Variants in PAPOLG observed in about 807,000 individuals in gnomAD.
PAPOLG encodes the protein PAP-gamma.
Under a neutral mutation model 99.0 loss-of-function variants are expected in PAPOLG, and 40 were observed. The observed-to-expected ratio is 0.40, with a 90% CI of 0.31 to 0.53. The LOEUF (loss-of-function observed/expected upper bound fraction) is 0.53, where lower values mean the gene tolerates loss of function less well. Among genes scored for constraint, PAPOLG ranks in the 20% least tolerant of loss-of-function variants. The pLI is 0.41. For synonymous variants in PAPOLG, 310 were observed against 299.3 expected (o/e 1.04, Z -0.37); for missense variants, 675 against 884.1 (o/e 0.76, Z 3.00).
At chr2:60,779,540 G>A in intron 8 of PAPOLG, 97 bp from the exon 9 acceptor site, 1 of 1,322,830 alleles carries the variant, frequency 7.6e-7, no homozygotes, top group Non-Finnish European at 1.0e-6. Flanking sequence ...CTTGTTGAAT[G>A]TCACGGATAT....
intron 16 of PAPOLG, 24 bp downstream of exon 16, chr2:60,791,906 C>T: frequency 6.2e-7 from 1 of 1,606,044 alleles, no homozygotes; most frequent in South Asian, 1.1e-5. Context: ...CTTAACCCTT[C>T]AGTATGGTTT....
In PAPOLG at chr2:60,796,059, C is replaced by T. The variant is rs528335839; in HGVS notation, c.2113-1003C>T. Among the ~76,000 whole-genome samples, 16 of 152,100 alleles carry T rather than the reference C, an allele frequency of 1.1e-4. No homozygotes were observed. The East Asian group carries it at 3.1e-3, about 29-fold the overall frequency. On this transcript the variant is annotated intron_variant, in intron 21 of 21. Coordinates refer to ENST00000238714, the MANE Select transcript of PAPOLG (RefSeq NM_022894.4). ...GTCCTTATTGCCCTGGTGTCTACTTCTTTGTATATCTGAAATTGCTCATAA... is the reference window on the plus strand; with the variant it reads ...GTCCTTATTGCCCTGGTGTCTACTTTTTTGTATATCTGAAATTGCTCATAA...
At chr2:60,762,691 A>G (rs1440122123) in intron 3 of PAPOLG, among the ~76,000 whole-genome samples, 4 of 151,746 alleles carry the variant, frequency 2.6e-5, no homozygotes, top group East Asian at 1.9e-4. Flanking sequence ...CAGTGGTGCA[A>G]TCTTGGCTCA....
rs371753967 is a variant in PAPOLG, at chr2:60,791,791, T to C, written c.1427T>C (p.Leu476Pro). The change falls in exon 16 of 22, where the codon CTA (leucine) becomes CCA (proline). Residue 476 changes from leucine (L) to proline (P), a missense_variant. Around this residue, in one of 3 missense-constraint regions of PAPOLG, gnomAD observed 413 missense variants for 460.5 expected, o/e 0.90. Transcript: ENST00000238714. ...AGACAGGCAAACAATATAAATATGC[T>C]AAAGGAGGGAATGAAAATTGAAGCA... Reference protein sequence around the residue: ...VYRQANNINMLKEGMKIEATH... With the variant: ...VYRQANNINMPKEGMKIEATH... 6 of 1,613,272 alleles carry C rather than the reference T, an allele frequency of 3.7e-6. No homozygotes were observed. Among genetic ancestry groups the C allele is most frequent in the Non-Finnish European group, 5.1e-6 (6 of 1,179,716 alleles).
chr2:60,791,166 T>G (rs771640748), intron 15 of PAPOLG, among the ~76,000 whole-genome samples: 8 of 151,850 alleles, frequency 5.3e-5, no homozygotes, highest in Non-Finnish European at 4.4e-5. Context: ...TATCAGAAAA[T>G]AAGATCTGGA....
At chr2:60,763,539 T>C (rs1670583808) in intron 3 of PAPOLG, among the ~76,000 whole-genome samples, 2 of 152,246 alleles carry the variant, frequency 1.3e-5, no homozygotes, top group South Asian at 4.1e-4. Context: ...AATCTTGCTC[T>C]GTCACCCAGG....
At chr2:60,774,973 G>A (rs367872928) in intron 7 of PAPOLG, 61 bp from the exon 8 acceptor site, 13 of 1,603,290 alleles carry the variant, frequency 8.1e-6, no homozygotes, top group East Asian at 4.5e-5. Flanking sequence ...AAGTTAGGAG[G>A]GCATTTGAAT....
intron 13 of PAPOLG, among the ~76,000 whole-genome samples, chr2:60,786,025 C>T (rs1468739227): frequency 6.6e-6 from 1 of 152,052 alleles, no homozygotes; most frequent in Non-Finnish European, 1.5e-5. Context: ...AATCTACTAA[C>T]TTGTCATTTA....
chr2:60,781,306 G>C (rs113474670), intron 10 of PAPOLG, among the ~76,000 whole-genome samples: 8 of 151,888 alleles, frequency 5.3e-5, no homozygotes, highest in African/African-American at 1.9e-4. Flanking sequence ...GCAGTGAGCC[G>C]AGACTGTGCC....
Position 60,760,246 on chromosome 2 carries a change from G to T in PAPOLG, c.130G>T (p.Ala44Ser). ...DHIYTQKLID[A>S]MKPFGVFEDE... ...TATTTACACACAGAAATTAATTGACGCCATGAAACCATTTGGAGTGTTTGA... is the reference window on the plus strand; with the variant it reads ...TATTTACACACAGAAATTAATTGACTCCATGAAACCATTTGGAGTGTTTGA... The change falls in exon 2 of 22, where the codon GCC becomes TCC. Residue 44 changes from alanine (A) to serine (S), a missense_variant. Ala to Ser is a moderately conservative substitution (Grantham distance 99). Transcript: ENST00000238714. 1 of 1,613,998 alleles carries T rather than the reference G, an allele frequency of 6.2e-7. No homozygotes were observed. The highest frequency in any genetic ancestry group is 1.1e-5 in the South Asian group (1 of 91,086).
At chr2:60,795,361 C>CT (rs2103830092) in intron 21 of PAPOLG, 1 of 461,890 alleles carries the variant, frequency 2.2e-6, no homozygotes, top group East Asian at 6.2e-5. Flanking sequence ...TGTACTATTG[C>CT]TTACTGCCAA....
At chr2:60,760,443 G>A in intron 2 of PAPOLG, 148 bp downstream of exon 2, 3 of 684,710 alleles carry the variant, frequency 4.4e-6, no homozygotes, top group South Asian at 2.0e-5. Context: ...TACATTTTAG[G>A]TAGGGGTTAG....
At chr2:60,765,185 C>T (rs1670636858) in intron 3 of PAPOLG, among the ~76,000 whole-genome samples, 1 of 151,762 alleles carries the variant, frequency 6.6e-6, no homozygotes, top group African/African-American at 2.4e-5. Context: ...CCTCTCACCC[C>T]AGCCCCCCAA....
At position 60,792,277 on chromosome 2, in the gene PAPOLG, G is replaced by C; in HGVS notation, c.1667G>C (p.Gly556Ala). Residue 556 changes from glycine to alanine, a missense_variant, in exon 17 of 22, where the codon GGA becomes GCA. By Grantham distance (60) the Gly-to-Ala change is moderately conservative. Transcript: ENST00000238714. ...PASKSDSPSV[G>A]ETERNSAEPA... ...TCCAAGTCTGATAGCCCTTCTGTAGGAGAAACAGAAAGGTCTGTCTTTATT... is the reference window on the plus strand; with the variant it reads ...TCCAAGTCTGATAGCCCTTCTGTAGCAGAAACAGAAAGGTCTGTCTTTATT... 2.5e-6 allele frequency: 4 copies of C among 1,601,452 alleles called. No individual in the cohort carries two copies. The highest frequency in any genetic ancestry group is 3.4e-6 in the Non-Finnish European group (4 of 1,176,214).
At chr2:60,765,157 C>G (rs1471362531) in intron 3 of PAPOLG, among the ~76,000 whole-genome samples, 1 of 151,834 alleles carries the variant, frequency 6.6e-6, no homozygotes, top group African/African-American at 2.4e-5. Context: ...CAGCCTCAAA[C>G]TCCTAGGCTC....
intron 21 of PAPOLG, 22 bp downstream of exon 21, chr2:60,795,042 T>A: frequency 6.3e-7 from 1 of 1,577,176 alleles, no homozygotes; most frequent in Non-Finnish European, 8.7e-7. Flanking sequence ...GTCTTGTTCA[T>A]AGGTACAGTA....
intron 18 of PAPOLG, 83 bp downstream of exon 18, chr2:60,793,798 C>A: frequency 6.6e-7 from 1 of 1,509,580 alleles, no homozygotes; most frequent in Non-Finnish European, 8.9e-7. Flanking sequence ...GTAGTCCTAG[C>A]TACTGGGGAG....
In PAPOLG at chr2:60,799,776, C is replaced by G. The variant is rs1037496798; in HGVS notation, c.*2616C>G. On this transcript the variant is annotated 3_prime_UTR_variant, in exon 22 of 22. Coordinates refer to ENST00000238714, the MANE Select transcript of PAPOLG (RefSeq NM_022894.4). ...AGTAGCTGGGATTACAGGCACCCAC[C>G]ACCTCGCCCAGCTAATTTTTGTATT... 6.6e-6 allele frequency: 1 copy of G among 152,086 alleles called. No homozygotes were observed. Among genetic ancestry groups the G allele is most frequent in the African/African-American group, 2.4e-5 (1 of 41,378 alleles). 9.4% of individuals were successfully genotyped at this position (152,086 alleles called of 1,614,324 possible).
At position 60,771,600 on chromosome 2, in the gene PAPOLG, C is replaced by G. The variant is rs1220059021; in HGVS notation, c.574C>G (p.Leu192Val). 1 of 1,607,520 alleles carries G rather than the reference C, an allele frequency of 6.2e-7. No individual in the cohort carries two copies. Among genetic ancestry groups the G allele is most frequent in the Non-Finnish European group, 8.5e-7 (1 of 1,178,382 alleles). ...AAGAGACGACTCTCGCCTGAGAAGC[C>G]TTGATATAAGGTGTATTCGCAGCTT... is the stretch of plus-strand genomic sequence containing the variant. ...DLRDDSRLRS[L>V]DIRCIRSLNG... Residue 192 changes from leucine (L) to valine (V), a missense_variant, in exon 7 of 22, where the codon CTT (leucine) becomes GTT (valine). By Grantham distance (32) the Leu-to-Val change is conservative. This residue lies in a region of PAPOLG where 113 missense variants were observed against 231.5 expected (regional missense o/e 0.49). Coordinates refer to ENST00000238714, the MANE Select transcript of PAPOLG (RefSeq NM_022894.4).
Sources: gnomAD v4.1 joint callset for allele counts (sites outside exome capture counted in the v4.1 genomes callset) on GRCh38, gnomAD v4.1.1 for gene constraint, gnomAD v4.1.1 regional missense constraint, MANE v1.5 for transcripts, NCBI Gene and HGNC (gene_info 2026-07-23, HGNC 2026-07-21) for gene names.